HPS4: variants seen among roughly 807,000 people sequenced by gnomAD.
The protein encoded by HPS4 is HPS4 biogenesis of lysosomal organelles complex 3 subunit 2.
In HPS4, 44 loss-of-function variants were observed where a neutral mutation model predicts 70.3. That is an observed-to-expected ratio of 0.63 (90% CI 0.49 to 0.80). The LOEUF is 0.80. HPS4 is among the 30% of genes least tolerant of loss of function. HPS4 has a pLI of 0.00. For synonymous variants in HPS4, 377 were observed against 355.9 expected (o/e 1.06, Z -0.67); for missense variants, 873 against 884.4 (o/e 0.99, Z 0.16).
rs756839100 is a variant in HPS4, at chr22:26,464,310, T to C, written c.1320A>G (p.Gln440=). ...APEMLTQHGA[Q]EQLEDHPGHS... ...GGCCAGGATGGTCTTCGAGCTGCTCTTGGGCTCCATGCTGGGTCAGCATCT... is the reference window on the plus strand; with the variant it reads ...GGCCAGGATGGTCTTCGAGCTGCTCCTGGGCTCCATGCTGGGTCAGCATCT... The change falls in exon 11 of 14, where the codon CAA becomes CAG. Residue 440 remains glutamine (Q), a synonymous_variant. Coordinates refer to ENST00000398145, the MANE Select transcript of HPS4 (RefSeq NM_022081.6). 1.9e-6 allele frequency: 3 copies of C among 1,614,100 alleles called. No homozygotes were observed. The highest frequency in any genetic ancestry group is 2.5e-6 in the Non-Finnish European group (3 of 1,180,014).
chr22:26,459,688 C>T (rs1251955001), intron 11 of HPS4, among the ~76,000 whole-genome samples: 3 of 152,170 alleles, frequency 2.0e-5, no homozygotes, highest in Admixed American at 1.3e-4. Flanking sequence ...AGTCAAATGA[C>T]CAGGAGCAAG....
chr22:26,452,016 A>G lies in HPS4; in HGVS notation c.*1217T>C, dbSNP rs1054649519. On this transcript the variant is annotated 3_prime_UTR_variant, in exon 14 of 14. Coordinates refer to ENST00000398145, the MANE Select transcript of HPS4 (RefSeq NM_022081.6). The stretch of plus-strand genomic sequence containing the variant: ...CGCGCGCGCGCGCGCACACACACAC[A>G]CACACACACACACACACACACACAC... 5.0e-4 allele frequency: 125 copies of G among 252,104 alleles called. No individual in the cohort carries two copies. The highest frequency in any genetic ancestry group is 2.9e-3 in the African/African-American group (118 of 40,302). 15.6% of individuals were successfully genotyped at this position (252,104 alleles called of 1,614,324 possible). A position where few individuals can be genotyped will look rare whatever the true frequency, so the allele number is the denominator to read the frequency against.
rs953730702 is a variant in HPS4 at position 26,472,910 on chromosome 22, A to G, written c.306T>C (p.Asp102=). ...GATCCAGAAACCGCTTGCAGCTGAC[A>G]TCAGGGAGCTCCACAGCACAGCCCA... ...WVLGCAVELP[D]VSCKRFLDQL... is the part of the protein sequence containing the mutation. The change falls in exon 5 of 14, where the codon GAT becomes GAC. Residue 102 remains aspartate (D), a synonymous_variant. Transcript: ENST00000398145. 33 of 1,614,124 alleles carry G rather than the reference A, an allele frequency of 2.0e-5. No homozygotes were observed. Among genetic ancestry groups the G allele is most frequent in the Non-Finnish European group, 2.6e-5 (31 of 1,180,036 alleles).
intron 8 of HPS4, chr22:26,467,016 C>T (rs1195673499): frequency 2.0e-5 from 3 of 152,364 alleles, no homozygotes; most frequent in African/African-American, 7.2e-5. Flanking sequence ...AATCCCTCAT[C>T]CCCAAGCTAG....
At chr22:26,465,859 C>T (rs1274389660) in intron 9 of HPS4, 5 of 556,144 alleles carry the variant, frequency 9.0e-6, no homozygotes, top group Non-Finnish European at 1.6e-5. Flanking sequence ...CCAACTCAGG[C>T]TTCAGAATAA....
At chr22:26,447,788 G>C (rs1441360352), downstream of HPS4, among the ~76,000 whole-genome samples, 1 of 152,086 alleles carries the variant, frequency 6.6e-6, no homozygotes, top group Non-Finnish European at 1.5e-5. Flanking sequence ...AGCACACACA[G>C]GGATTGGTTT....
At chr22:26,449,470 A>G (rs1401345144), downstream of HPS4, among the ~76,000 whole-genome samples, 3 of 151,730 alleles carry the variant, frequency 2.0e-5, no homozygotes, top group Non-Finnish European at 4.4e-5. Flanking sequence ...AGCTGGGATT[A>G]CAGGCATGCG....
downstream of HPS4, among the ~76,000 whole-genome samples, chr22:26,450,161 G>A (rs1050450264): frequency 2.6e-5 from 4 of 152,174 alleles, no homozygotes; most frequent in African/African-American, 9.7e-5. Context: ...AACCACATCT[G>A]CAAACATCCG....
At chr22:26,449,487 C>T (rs554978518), downstream of HPS4, among the ~76,000 whole-genome samples, 6 of 152,172 alleles carry the variant, frequency 3.9e-5, no homozygotes, top group African/African-American at 1.4e-4. Flanking sequence ...TGCGCCACCC[C>T]ACCTGGTTAA....
downstream of HPS4, chr22:26,443,634 AAAAC>A (rs2084876814): frequency 6.6e-6 from 1 of 151,780 alleles, no homozygotes; most frequent in Admixed American, 6.6e-5. Context: ...AAAAAAAAAA[AAAAC>A]TAAAAACTGC....
At chr22:26,479,133 T>A in intron 3 of HPS4, 132 bp downstream of exon 3, 1 of 879,892 alleles carries the variant, frequency 1.1e-6, no homozygotes, top group Non-Finnish European at 1.8e-6. Flanking sequence ...ATAGTACAAC[T>A]AAGAATAAGA....
At chr22:26,466,528 G>A (rs2146627079) in intron 8 of HPS4, 1 of 573,390 alleles carries the variant, frequency 1.7e-6, no homozygotes, top group Admixed American at 3.0e-5. Context: ...TCTACGTTCT[G>A]ATTTTCTCAG....
At position 26,479,503 on chromosome 22, in the gene HPS4, G is replaced by C. The variant is rs948960081; in HGVS notation, c.42-148C>G. On this transcript the variant is annotated intron_variant, in intron 2 of 13. Coordinates refer to ENST00000398145, the MANE Select transcript of HPS4 (RefSeq NM_022081.6). The stretch of plus-strand genomic sequence containing the variant: ...CCCCAGAGAATAAAGAACCCCAGTA[G>C]CTACAAATTAGATAAAACCATTCTG... 7 of 1,460,032 alleles carry C rather than the reference G, an allele frequency of 4.8e-6. No individual in the cohort carries two copies. In the African/African-American group the frequency reaches 8.6e-5, roughly 18 times the overall value. The allele number at this position is 1,460,032 out of a possible 1,614,324, so 90.4% of individuals were successfully genotyped here.
At chr22:26,456,939 A>G (rs1023866681) in intron 13 of HPS4, among the ~76,000 whole-genome samples, 2 of 152,234 alleles carry the variant, frequency 1.3e-5, no homozygotes, top group African/African-American at 2.4e-5. Flanking sequence ...TTCTTCTGGC[A>G]TGGAGGTGTT....
At chr22:26,471,755 T>A (rs1248022440) in intron 6 of HPS4, among the ~76,000 whole-genome samples, 1 of 152,156 alleles carries the variant, frequency 6.6e-6, no homozygotes, top group East Asian at 1.9e-4. Flanking sequence ...GAGAGGGCTG[T>A]GAGTCAGGGC....
chr22:26,446,537 C>T (rs2084959337), downstream of HPS4, among the ~76,000 whole-genome samples: 1 of 152,084 alleles, frequency 6.6e-6, no homozygotes, highest in Non-Finnish European at 1.5e-5. Context: ...GGTCCAGGCA[C>T]GGGTCTTTGT....
intron 2 of HPS4, among the ~76,000 whole-genome samples, chr22:26,480,246 A>C (rs1299702611): frequency 6.6e-6 from 1 of 152,216 alleles, no homozygotes; most frequent in South Asian, 2.1e-4. Context: ...ATTGCGGTTC[A>C]GTGCAAACTC....
rs887874663 is a variant in HPS4 at position 26,452,391 on chromosome 22, C to T, written c.*842G>A. On this transcript the variant is annotated 3_prime_UTR_variant, in exon 14 of 14. Coordinates refer to ENST00000398145, the MANE Select transcript of HPS4 (RefSeq NM_022081.6). ...CACAGCTGAGTGTCGCTCCCTTTCA[C>T]GCAGCCACCACTGAAAAGCACAGTG... 3.3e-5 allele frequency: 15 copies of T among 456,110 alleles called. No individual in the cohort carries two copies. The East Asian group carries it at 6.9e-4, about 21-fold the overall frequency. The allele number at this position is 456,110 out of a possible 1,614,324, so 28.3% of individuals were successfully genotyped here.
In HPS4 at chr22:26,452,820, C is replaced by T. The variant is rs912323680; in HGVS notation, c.*413G>A. ...GCTGTGCAGTCACACCGCCTACCACCACCTGGTGTGGGGGTTGAACACACA... is the reference window on the plus strand; with the variant it reads ...GCTGTGCAGTCACACCGCCTACCACTACCTGGTGTGGGGGTTGAACACACA... On this transcript the variant is annotated 3_prime_UTR_variant, in exon 14 of 14. Coordinates refer to ENST00000398145, the MANE Select transcript of HPS4 (RefSeq NM_022081.6). 1 of 269,914 alleles carries T rather than the reference C, an allele frequency of 3.7e-6. No homozygotes were observed. The highest frequency in any genetic ancestry group is 1.0e-4 in the East Asian group (1 of 9,990). The allele number at this position is 269,914 out of a possible 1,614,324, so 16.7% of individuals were successfully genotyped here.
Sources: gnomAD v4.1 joint callset for allele counts (sites outside exome capture counted in the v4.1 genomes callset) on GRCh38, gnomAD v4.1.1 for gene constraint, MANE v1.5 for transcripts, NCBI Gene and HGNC (gene_info 2026-07-23, HGNC 2026-07-21) for gene names.